TDRD1: variants seen among roughly 807,000 people sequenced by gnomAD.
TDRD1 encodes tudor domain-containing protein 1.
Under a neutral mutation model 140.6 loss-of-function variants are expected in TDRD1, and 37 were observed. That is an observed-to-expected ratio of 0.26 (90% CI 0.20 to 0.35). The LOEUF (loss-of-function observed/expected upper bound fraction) is 0.35. Among genes scored for constraint, TDRD1 ranks in the 10% least tolerant of loss-of-function variants. TDRD1 has a pLI of 1.00. For synonymous variants in TDRD1, 506 were observed against 475.7 expected (o/e 1.06, Z -0.83); for missense variants, 1,243 against 1,393.0 (o/e 0.89, Z 1.71).
chr10:114,191,540 T>C (rs1008024759), intron 3 of TDRD1, among the ~76,000 whole-genome samples: 1 of 152,240 alleles, frequency 6.6e-6, no homozygotes, highest in Admixed American at 6.5e-5. Context: ...GAAATTGATC[T>C]AGGTTGTATG....
At chr10:114,193,198 T>A (rs1367156655) in intron 3 of TDRD1, among the ~76,000 whole-genome samples, 3 of 152,130 alleles carry the variant, frequency 2.0e-5, no homozygotes, top group Non-Finnish European at 4.4e-5. Context: ...TTGTAAATAC[T>A]GTTGTATTTC....
chr10:114,221,479 A>G lies in TDRD1; in HGVS notation c.2890+3A>G, dbSNP rs751892162. ...TGCTCTACCAAAAGGGATGCCAGGT[A>G]AGAAACCAAAATTTGAGACATATTT... On this transcript the variant is annotated splice_donor_region_variant and intron_variant, in intron 20 of 25. Coordinates refer to ENST00000251864, the Ensembl canonical transcript of TDRD1. 7.5e-6 allele frequency: 12 copies of G among 1,610,516 alleles called. No homozygotes were observed. The East Asian group carries it at 2.7e-4, about 36-fold the overall frequency.
At chr10:114,205,052 A>G (rs902818788) in intron 10 of TDRD1, among the ~76,000 whole-genome samples, 159 bp downstream of exon 10, 2 of 152,256 alleles carry the variant, frequency 1.3e-5, no homozygotes, top group African/African-American at 4.8e-5. Flanking sequence ...TTTGTCAAAG[A>G]CATGACACAA....
At chr10:114,202,348 T>A in intron 6 of TDRD1, 50 bp downstream of exon 6, 1 of 1,234,630 alleles carries the variant, frequency 8.1e-7, no homozygotes, top group Non-Finnish European at 1.1e-6. Context: ...TTTATTGAAT[T>A]AAGATGTAAG....
At chr10:114,214,056 T>A in exon 16 of TDRD1, 1 of 1,613,600 alleles carries the variant, frequency 6.2e-7, no homozygotes, top group Non-Finnish European at 8.5e-7. Flanking sequence ...CAGTAGATGT[T>A]GTGGTCTGTG....
At chr10:114,218,624 C>G in intron 18 of TDRD1, 40 bp downstream of exon 18, 1 of 1,410,002 alleles carries the variant, frequency 7.1e-7, no homozygotes, top group Non-Finnish European at 9.7e-7. Flanking sequence ...CTTTCTAATA[C>G]TTGGGGCATA....
intron 20 of TDRD1, 106 bp downstream of exon 20, chr10:114,221,582 T>C (rs748571040): frequency 2.1e-5 from 24 of 1,120,650 alleles, no homozygotes; most frequent in Non-Finnish European, 3.0e-5. Context: ...AGAGGCTCAC[T>C]GTTTTAAGGA....
At chr10:114,208,159 G>A (rs997095917) in intron 11 of TDRD1, among the ~76,000 whole-genome samples, 3 of 152,214 alleles carry the variant, frequency 2.0e-5, no homozygotes, top group African/African-American at 4.8e-5. Context: ...GACTGCTGGT[G>A]AAGAGGTATA....
Position 114,201,309 on chromosome 10 carries a change from C to T in TDRD1, c.530-101C>T, listed in dbSNP as rs964232884. The T allele has an allele frequency of 2.4e-5, 22 of 917,462 alleles. No individual in the cohort carries two copies. In the African/African-American group the frequency reaches 3.6e-4, roughly 15 times the overall value. The allele number at this position is 917,462 out of a possible 1,614,324, so 56.8% of individuals were successfully genotyped here. A position where few individuals can be genotyped will look rare whatever the true frequency, so the allele number is the denominator to read the frequency against. Reference sequence around the variant, plus strand: ...TCTGAACACCTGATCCTAAATAGCACAATTCTCTTGCCATGGCTAATAGAA... The same window carrying T: ...TCTGAACACCTGATCCTAAATAGCATAATTCTCTTGCCATGGCTAATAGAA... On this transcript the variant is annotated intron_variant, in intron 4 of 25. Transcript: ENST00000251864.
At chr10:114,208,557 C>T (rs1282910589) in intron 11 of TDRD1, among the ~76,000 whole-genome samples, 1 of 152,142 alleles carries the variant, frequency 6.6e-6, no homozygotes, top group Non-Finnish European at 1.5e-5. Flanking sequence ...TCTCCTCCTA[C>T]TGTGTTCCTA....
chr10:114,232,368 C>G (rs1589727320), downstream of TDRD1: 1 of 151,702 alleles, frequency 6.6e-6, no homozygotes, highest in East Asian at 1.9e-4. Context: ...CTCAAATTCT[C>G]CTAAACCACG....
At chr10:114,207,337 T>A (rs2035190658) in intron 11 of TDRD1, among the ~76,000 whole-genome samples, 2 of 152,202 alleles carry the variant, frequency 1.3e-5, no homozygotes, top group Non-Finnish European at 2.9e-5. Flanking sequence ...CCCTAATTGG[T>A]TGCCAAGTCT....
At chr10:114,208,025 A>G (rs1213349510) in intron 11 of TDRD1, among the ~76,000 whole-genome samples, 2 of 152,144 alleles carry the variant, frequency 1.3e-5, no homozygotes, top group South Asian at 2.1e-4. Context: ...CACACGGAGC[A>G]GGAAATAACC....
chr10:114,226,015 T>C, intron 21 of TDRD1, 34 bp from the exon 22 acceptor site: 1 of 1,592,816 alleles, frequency 6.3e-7, no homozygotes, highest in Non-Finnish European at 8.6e-7. Context: ...TCACTGACTG[T>C]AAGTTCTTAC....
At chr10:114,187,563 G>C (rs2033632895) in intron 1 of TDRD1, among the ~76,000 whole-genome samples, 1 of 152,214 alleles carries the variant, frequency 6.6e-6, no homozygotes, top group Non-Finnish European at 1.5e-5. Context: ...GCTTTTAAAA[G>C]TAAGGAATGG....
chr10:114,207,052 T>A (rs1165118060), intron 11 of TDRD1, among the ~76,000 whole-genome samples: 1 of 152,256 alleles, frequency 6.6e-6, no homozygotes, highest in Non-Finnish European at 1.5e-5. Context: ...CTGTAAAAGC[T>A]TGTGTGTGTG....
At chr10:114,189,125 G>A (rs1254700662) in intron 2 of TDRD1, among the ~76,000 whole-genome samples, 5 of 152,194 alleles carry the variant, frequency 3.3e-5, no homozygotes, top group African/African-American at 1.2e-4. Context: ...GCGCCAACCT[G>A]AGTTTTTCAT....
At position 114,203,575 on chromosome 10, in the gene TDRD1, G is replaced by A; in HGVS notation, c.981+8G>A. On this transcript the variant is annotated splice_region_variant and intron_variant, in intron 8 of 25. Transcript: ENST00000251864. ...AAGTACACTGTTGATCAGGTAACCT[G>A]TAATGAAATGAATTATTTAAAACGT... The A allele has an allele frequency of 6.3e-7, 1 of 1,588,470 alleles. No homozygotes were observed. The highest frequency in any genetic ancestry group is 1.4e-5 in the African/African-American group (1 of 73,436).
At chr10:114,175,680 G>A (rs868719044), upstream of TDRD1, among the ~76,000 whole-genome samples, 19 of 152,108 alleles carry the variant, frequency 1.2e-4, no homozygotes, top group African/African-American at 4.6e-4. Flanking sequence ...GTAGCAGAAA[G>A]CAAGGAAGAA....
Sources: allele counts gnomAD v4.1 joint callset (sites outside exome capture counted in the v4.1 genomes callset), GRCh38; gene constraint gnomAD v4.1.1; transcripts MANE v1.5; gene names NCBI Gene and HGNC (gene_info 2026-07-23, HGNC 2026-07-21).